The following CDH18 variants were observed in gnomAD, a reference collection of about 807,000 sequenced individuals.
CDH18 encodes the protein cadherin-18.
In CDH18, 31 loss-of-function variants were observed where a neutral mutation model predicts 67.9. That is an observed-to-expected ratio of 0.46 (90% confidence interval 0.34 to 0.62). The LOEUF (loss-of-function observed/expected upper bound fraction) is 0.62, where lower values mean the gene tolerates loss of function less well. Among genes scored for constraint, CDH18 ranks in the 20% least tolerant of loss-of-function variants. The pLI is 0.01. For synonymous variants in CDH18, 362 were observed against 347.2 expected (o/e 1.04, Z -0.48); for missense variants, 890 against 975.5 (o/e 0.91, Z 1.17).
chr5:19,689,109 T>C (rs1309170546), intron 5 of CDH18, among the ~76,000 whole-genome samples: 1 of 152,080 alleles, frequency 6.6e-6, no homozygotes, highest in Non-Finnish European at 1.5e-5. Flanking sequence ...AGAAAACCTA[T>C]ATAACAAAAT....
chr5:19,503,897 C>T (rs1332616014), intron 10 of CDH18, among the ~76,000 whole-genome samples: 1 of 151,968 alleles, frequency 6.6e-6, no homozygotes, highest in African/African-American at 2.4e-5. Flanking sequence ...TATCATAATG[C>T]TTAGGTGTCT....
intron 2 of CDH18, among the ~76,000 whole-genome samples, chr5:20,133,612 T>C (rs948391350): frequency 1.3e-5 from 2 of 152,186 alleles, no homozygotes; most frequent in African/African-American, 4.8e-5. Context: ...CACTCCTTTC[T>C]TGATGATTAC....
intron 1 of CDH18, among the ~76,000 whole-genome samples, chr5:20,494,729 G>C (rs2126406097): frequency 6.6e-6 from 1 of 152,210 alleles, no homozygotes; most frequent in East Asian, 1.9e-4. Context: ...ATTTCTTGAT[G>C]GGCTTTCTAT....
intron 1 of CDH18, among the ~76,000 whole-genome samples, chr5:20,548,361 G>A (rs1267333394): frequency 6.6e-6 from 1 of 151,738 alleles, no homozygotes; most frequent in Non-Finnish European, 1.5e-5. Flanking sequence ...ATGTGTATAT[G>A]TGTTCATAAA....
At chr5:20,106,023 T>TTG (rs1746907859) in intron 2 of CDH18, among the ~76,000 whole-genome samples, 1 of 152,138 alleles carries the variant, frequency 6.6e-6, no homozygotes, top group African/African-American at 2.4e-5. Context: ...TTCTGTTCTA[T>TTG]TGTGTGTGTG....
At chr5:19,519,182 G>A (rs1054988157) in intron 10 of CDH18, among the ~76,000 whole-genome samples, 2 of 152,082 alleles carry the variant, frequency 1.3e-5, no homozygotes, top group African/African-American at 2.4e-5. Flanking sequence ...CCTTTTAAAT[G>A]TATTATGTCT....
chr5:19,482,178 C>G (rs915766436), intron 12 of CDH18, among the ~76,000 whole-genome samples: 1 of 151,806 alleles, frequency 6.6e-6, no homozygotes, highest in Non-Finnish European at 1.5e-5. Flanking sequence ...TGCAGTGGCG[C>G]GATCTCAGCT....
At chr5:20,196,650 A>G (rs1409038292) in intron 2 of CDH18, among the ~76,000 whole-genome samples, 1 of 152,230 alleles carries the variant, frequency 6.6e-6, no homozygotes, top group Non-Finnish European at 1.5e-5. Flanking sequence ...ATCATACCAC[A>G]TATGAAATAG....
intron 1 of CDH18, among the ~76,000 whole-genome samples, chr5:20,331,691 G>T (rs1002722962): frequency 6.6e-6 from 1 of 152,146 alleles, no homozygotes; most frequent in African/African-American, 2.4e-5. Context: ...TGAGACCAGG[G>T]GGTCCTCCTC....
intron 2 of CDH18, among the ~76,000 whole-genome samples, chr5:20,016,970 GTTCA>G (rs1157300788): frequency 1.3e-5 from 2 of 151,956 alleles, no homozygotes; most frequent in African/African-American, 4.8e-5. Flanking sequence ...ATTTCTCATG[GTTCA>G]TTGTCGTTTT....
chr5:20,136,303 T>C (rs1448963991), intron 2 of CDH18, among the ~76,000 whole-genome samples: 1 of 152,218 alleles, frequency 6.6e-6, no homozygotes, highest in Non-Finnish European at 1.5e-5. Context: ...ATATTTAGGA[T>C]AGTTAGCTCT....
chr5:20,254,536 A>T (rs1326866935), intron 2 of CDH18, among the ~76,000 whole-genome samples: 1 of 152,244 alleles, frequency 6.6e-6, no homozygotes, highest in African/African-American at 2.4e-5. Flanking sequence ...ATTTATTTCA[A>T]CTAGAACAGC....
chr5:20,566,816 G>A (rs1414514163), intron 1 of CDH18, among the ~76,000 whole-genome samples: 1 of 152,126 alleles, frequency 6.6e-6, no homozygotes, highest in African/African-American at 2.4e-5. Context: ...CGAACAAAGA[G>A]TGAAAGACAG....
At chr5:19,491,518 T>C (rs556064897) in intron 11 of CDH18, among the ~76,000 whole-genome samples, 1 of 152,318 alleles carries the variant, frequency 6.6e-6, no homozygotes, top group African/African-American at 2.4e-5. Flanking sequence ...AAAAATTCCC[T>C]TGATTTCCAA....
intron 2 of CDH18, among the ~76,000 whole-genome samples, chr5:19,918,373 T>C (rs1471119926): frequency 6.6e-6 from 1 of 152,166 alleles, no homozygotes; most frequent in Non-Finnish European, 1.5e-5. Flanking sequence ...CTTAATTATT[T>C]TATATATAAG....
At chr5:20,310,297 T>C (rs914277712) in intron 1 of CDH18, among the ~76,000 whole-genome samples, 1 of 152,238 alleles carries the variant, frequency 6.6e-6, no homozygotes, top group Non-Finnish European at 1.5e-5. Context: ...TTTAATTTAA[T>C]AATGTAAAAT....
chr5:20,453,615 GTA>G (rs200256605), intron 1 of CDH18, among the ~76,000 whole-genome samples: 6 of 151,418 alleles, frequency 4.0e-5, no homozygotes, highest in Non-Finnish European at 7.4e-5. Context: ...ATGTGTGTGT[GTA>G]TATATATATG....
chr5:19,731,118 C>T (rs1767532619), intron 4 of CDH18, among the ~76,000 whole-genome samples: 1 of 152,148 alleles, frequency 6.6e-6, no homozygotes, highest in Non-Finnish European at 1.5e-5. Flanking sequence ...ACCTATCACA[C>T]ATTTTCATCA....
intron 2 of CDH18, among the ~76,000 whole-genome samples, chr5:20,086,053 A>G (rs1744921478): frequency 6.6e-6 from 1 of 152,224 alleles, no homozygotes; most frequent in Middle Eastern, 3.2e-3. Context: ...ATGTAAATAC[A>G]AAGGAAAGGG....
Sources: gnomAD v4.1 joint callset for allele counts (sites outside exome capture counted in the v4.1 genomes callset) on GRCh38, gnomAD v4.1.1 for gene constraint, MANE v1.5 for transcripts, NCBI Gene and HGNC (gene_info 2026-07-23, HGNC 2026-07-21) for gene names.